The following CNOT9 variants were observed in gnomAD, a reference collection of about 807,000 sequenced individuals.
CNOT9 encodes the protein CCR4-NOT transcription complex subunit 9.
CNOT9 carries 8 observed loss-of-function variants against 37.4 expected under a neutral mutation model. That is an observed-to-expected ratio of 0.21 (90% CI 0.13 to 0.39). CNOT9 has a LOEUF of 0.39. CNOT9 is among the 10% of genes least tolerant of loss of function. CNOT9 has a pLI of 1.00. For missense variants in CNOT9, 154 were observed against 365.3 expected, an observed-to-expected ratio of 0.42 and a Z score of 4.71; for synonymous variants, 120 against 137.6, an observed-to-expected ratio of 0.87 and a Z score of 0.90.
Position 218,592,422 on chromosome 2 carries a change from C to T in CNOT9, c.639+20C>T. The T allele has an allele frequency of 6.3e-7, 1 of 1,575,180 alleles. No individual in the cohort carries two copies. The highest frequency in any genetic ancestry group is 1.1e-5 in the South Asian group (1 of 90,196). ...ATCTTGGTGAGTTCTTTCATCTATC[C>T]CCTTTACAACTACTTCTCATCACAA... is the stretch of plus-strand genomic sequence containing the variant. On this transcript the variant is annotated intron_variant, in intron 6 of 7. Coordinates refer to ENST00000273064, the MANE Select transcript of CNOT9 (RefSeq NM_005444.3). This position sits in a 1 kb window ranked among gnomAD's most constrained non-coding sequence, Gnocchi z 4.1.
intron 2 of CNOT9, among the ~76,000 whole-genome samples, chr2:218,582,572 C>T (rs1694428496): frequency 6.6e-6 from 1 of 152,138 alleles, no homozygotes; most frequent in East Asian, 1.9e-4. Flanking sequence ...CGCCTGTAGT[C>T]CCAGCTACTC....
intron 4 of CNOT9, 67 bp from the exon 5 acceptor site, chr2:218,587,519 G>A: frequency 1.4e-6 from 2 of 1,439,802 alleles, no homozygotes; most frequent in Non-Finnish European, 1.8e-6. Flanking sequence ...TGGATAAACA[G>A]TTCGAAGTTA....
intron 4 of CNOT9, among the ~76,000 whole-genome samples, chr2:218,585,587 T>A (rs1263278950): frequency 6.9e-6 from 1 of 145,456 alleles, no homozygotes; most frequent in Non-Finnish European, 1.5e-5. Context: ...AAAAAAAAAA[T>A]TAAATTTCCA....
intron 1 of CNOT9, among the ~76,000 whole-genome samples, chr2:218,569,781 C>T (rs560407945): frequency 2.0e-4 from 30 of 152,316 alleles, no homozygotes; most frequent in African/African-American, 5.1e-4. Context: ...CTTATCCCTC[C>T]TCCTTTACAT....
intron 1 of CNOT9, among the ~76,000 whole-genome samples, chr2:218,577,516 G>A (rs1042779022): frequency 2.0e-5 from 3 of 152,202 alleles, no homozygotes; most frequent in African/African-American, 7.2e-5. Context: ...ACAAATTGGA[G>A]TATTGCTAGC....
At position 218,592,868 on chromosome 2, in the gene CNOT9, GCTGAA is replaced by G. The variant is rs891512657; in HGVS notation, c.731+162_731+166del. 1 of 619,584 alleles carries G rather than the reference GCTGAA, an allele frequency of 1.6e-6. No homozygotes were observed. Among genetic ancestry groups the G allele is most frequent in the Non-Finnish European group, 2.8e-6 (1 of 355,028 alleles). The allele number at this position is 619,584 out of a possible 1,614,324, so 38.4% of individuals were successfully genotyped here. A position where few individuals can be genotyped will look rare whatever the true frequency, so the allele number is the denominator to read the frequency against. ...TTAGATTCTTTTAAAAATCTGAAAT[GCTGAA>G]TTTTAGTAGCCATCAGTTTCATCTT... On this transcript the variant is annotated intron_variant, in intron 7 of 7. Coordinates refer to ENST00000273064, the MANE Select transcript of CNOT9 (RefSeq NM_005444.3). This position sits in a 1 kb window ranked among gnomAD's most constrained non-coding sequence, Gnocchi z 4.1.
intron 1 of CNOT9, among the ~76,000 whole-genome samples, chr2:218,571,736 TA>T (rs1339021980): frequency 2.9e-3 from 148 of 51,850 alleles, no homozygotes; most frequent in Non-Finnish European, 3.8e-3. Context: ...GACGCCTGGC[TA>T]ATTTTTTTTT....
intron 1 of CNOT9, 69 bp from the exon 2 acceptor site, chr2:218,580,492 C>G (rs1694338630): frequency 1.2e-5 from 16 of 1,332,070 alleles, no homozygotes; most frequent in Middle Eastern, 2.4e-4. Context: ...TCCTCTAAAA[C>G]TCTGTTGCAG....
chr2:218,596,697 C>T lies in CNOT9; in HGVS notation c.*2421C>T, dbSNP rs958919162. The T allele has an allele frequency of 6.6e-6, 1 of 152,210 alleles. No individual in the cohort carries two copies. Among genetic ancestry groups the T allele is most frequent in the Non-Finnish European group, 1.5e-5 (1 of 68,048 alleles). The allele number at this position is 152,210 out of a possible 1,614,324, so 9.4% of individuals were successfully genotyped here. A position where few individuals can be genotyped will look rare whatever the true frequency, so the allele number is the denominator to read the frequency against. On this transcript the variant is annotated 3_prime_UTR_variant, in exon 8 of 8. Transcript: ENST00000273064. ...CTGATAAAAGTATGTTTTACTGGGA[C>T]AGAACTTCACTCCTGGCCATATTGG...
chr2:218,572,059 G>A (rs530080456), intron 1 of CNOT9, among the ~76,000 whole-genome samples: 3 of 151,818 alleles, frequency 2.0e-5, no homozygotes, highest in South Asian at 4.2e-4. Flanking sequence ...TGTGGCTCAT[G>A]CCTGTAATCC....
chr2:218,584,912 T>C (rs1694537194), intron 4 of CNOT9, among the ~76,000 whole-genome samples, 191 bp downstream of exon 4: 1 of 152,198 alleles, frequency 6.6e-6, no homozygotes, highest in Admixed American at 6.5e-5. Context: ...GTGTTGTTAA[T>C]AAGACTTTGA....
At chr2:218,584,780 G>C in intron 4 of CNOT9, 59 bp downstream of exon 4, 2 of 1,244,050 alleles carry the variant, frequency 1.6e-6, no homozygotes. Flanking sequence ...TCTAAGTTGG[G>C]TGTTTTGTCT....
intron 1 of CNOT9, among the ~76,000 whole-genome samples, chr2:218,571,369 A>G (rs1227624916): frequency 6.6e-6 from 1 of 152,186 alleles, no homozygotes; most frequent in East Asian, 1.9e-4. Context: ...TGTGCTATGA[A>G]GGCACCTGTG....
At chr2:218,591,572 G>T (rs191258921) in intron 5 of CNOT9, among the ~76,000 whole-genome samples, 1 of 151,970 alleles carries the variant, frequency 6.6e-6, no homozygotes, top group Admixed American at 6.6e-5. Flanking sequence ...GTGAAACCCC[G>T]TCTCTACTAA....
At position 218,596,134 on chromosome 2, in the gene CNOT9, C is replaced by G. The variant is rs566396075; in HGVS notation, c.*1858C>G. 1 of 152,372 alleles carries G rather than the reference C, an allele frequency of 6.6e-6. No homozygotes were observed. Among genetic ancestry groups the G allele is most frequent in the Non-Finnish European group, 1.5e-5 (1 of 68,070 alleles). The allele number at this position is 152,372 out of a possible 1,614,324, so 9.4% of individuals were successfully genotyped here. Reference sequence around the variant, plus strand: ...GAGCCAAAGTTTTCTCATTACCCCTCCACTGGGGAAGCAGCTGAGGCCCAG... The same window carrying G: ...GAGCCAAAGTTTTCTCATTACCCCTGCACTGGGGAAGCAGCTGAGGCCCAG... On this transcript the variant is annotated 3_prime_UTR_variant, in exon 8 of 8. Coordinates refer to ENST00000273064, the MANE Select transcript of CNOT9 (RefSeq NM_005444.3).
chr2:218,588,811 A>G (rs1452497858), intron 5 of CNOT9, among the ~76,000 whole-genome samples: 1 of 144,532 alleles, frequency 6.9e-6, no homozygotes, highest in Admixed American at 6.9e-5. Flanking sequence ...CTGACCTCAG[A>G]TGATCCGCCC....
intron 1 of CNOT9, among the ~76,000 whole-genome samples, chr2:218,574,845 T>C (rs1474269338): frequency 6.6e-6 from 1 of 152,212 alleles, no homozygotes; most frequent in Non-Finnish European, 1.5e-5. Context: ...TGGATCTATA[T>C]CTTCATTATG....
chr2:218,569,484 C>A lies in CNOT9; in HGVS notation c.24+506C>A, dbSNP rs116261280. On this transcript the variant is annotated intron_variant, in intron 1 of 7. Coordinates refer to ENST00000273064, the MANE Select transcript of CNOT9 (RefSeq NM_005444.3). The stretch of plus-strand genomic sequence containing the variant: ...TAGGTTCTCTGCATTTAAAACTTTT[C>A]CTCGACACATCTCGTTTTACCCGCG... Among the ~76,000 whole-genome samples, 490 of 152,286 alleles carry A rather than the reference C, an allele frequency of 3.2e-3. 1 individual carries two copies. Among genetic ancestry groups the A allele is most frequent in the African/African-American group, 0.011 (471 of 41,570 alleles).
rs1393709723 is a variant in CNOT9 at position 218,596,686 on chromosome 2, T to C, written c.*2410T>C. ...ATGCCCCTTACCTGATAAAAGTATG[T>C]TTTACTGGGACAGAACTTCACTCCT... On this transcript the variant is annotated 3_prime_UTR_variant, in exon 8 of 8. Coordinates refer to ENST00000273064, the MANE Select transcript of CNOT9 (RefSeq NM_005444.3). 1 of 152,224 alleles carries C rather than the reference T, an allele frequency of 6.6e-6. No individual in the cohort carries two copies. Among genetic ancestry groups the C allele is most frequent in the Non-Finnish European group, 1.5e-5 (1 of 68,044 alleles). 9.4% of individuals were successfully genotyped at this position (152,224 alleles called of 1,614,324 possible).
Sources: allele counts gnomAD v4.1 joint callset (sites outside exome capture counted in the v4.1 genomes callset), GRCh38; gene constraint gnomAD v4.1.1; non-coding constraint Gnocchi (gnomAD v3.1); transcripts MANE v1.5; gene names NCBI Gene and HGNC (gene_info 2026-07-23, HGNC 2026-07-21).